The following CNTNAP2 variants were observed in gnomAD, a reference collection of about 807,000 sequenced individuals.
CNTNAP2 encodes contactin-associated protein-like 2.
A neutral mutation model predicts 155.2 loss-of-function variants in CNTNAP2; 98 were observed. The ratio of observed to expected loss-of-function variants is 0.63; its 90% CI spans 0.54 to 0.75. The LOEUF (loss-of-function observed/expected upper bound fraction) is 0.75. CNTNAP2 is among the 30% of genes least tolerant of loss of function. The pLI is 0.00. For synonymous variants in CNTNAP2, 651 were observed against 631.2 expected (o/e 1.03, Z -0.47); for missense variants, 1,727 against 1,688.1 (o/e 1.02, Z -0.40).
intron 3 of CNTNAP2, among the ~76,000 whole-genome samples, chr7:146,913,026 G>T (rs1045119199): frequency 1.3e-5 from 2 of 152,026 alleles, no homozygotes; most frequent in Admixed American, 1.3e-4. Context: ...CTCCTTTATT[G>T]GTTAATGGAG....
chr7:146,171,659 ATTTTC>A (rs10543006), intron 1 of CNTNAP2, among the ~76,000 whole-genome samples: 5,031 of 152,230 alleles, frequency 0.033, 278 homozygotes, highest in African/African-American at 0.12. Context: ...CAGTTTGGGA[ATTTTC>A]TTTGGCCAAA....
chr7:147,665,666 G>GT (rs1388297736), intron 13 of CNTNAP2, among the ~76,000 whole-genome samples: 1 of 152,032 alleles, frequency 6.6e-6, no homozygotes, highest in Non-Finnish European at 1.5e-5. Context: ...GTTTCCCTCT[G>GT]TCTGTCCATG....
At chr7:148,356,983 G>A (rs1450612242) in intron 21 of CNTNAP2, among the ~76,000 whole-genome samples, 1 of 151,952 alleles carries the variant, frequency 6.6e-6, no homozygotes, top group Non-Finnish European at 1.5e-5. Flanking sequence ...TGAAGCGTGA[G>A]GCCCTGCGTG....
intron 1 of CNTNAP2, among the ~76,000 whole-genome samples, chr7:146,752,965 G>A (rs1282324430): frequency 6.6e-6 from 1 of 152,174 alleles, no homozygotes; most frequent in Non-Finnish European, 1.5e-5. Flanking sequence ...AATGGAAAGT[G>A]AGTGAATCTC....
intron 13 of CNTNAP2, among the ~76,000 whole-genome samples, chr7:147,786,273 A>T (rs1339118028): frequency 1.3e-5 from 2 of 152,198 alleles, no homozygotes; most frequent in Admixed American, 6.5e-5. Context: ...AAATGCAATG[A>T]GATACAAAAT....
chr7:146,541,853 A>G (rs1298625254), intron 1 of CNTNAP2, among the ~76,000 whole-genome samples: 1 of 152,000 alleles, frequency 6.6e-6, no homozygotes, highest in Non-Finnish European at 1.5e-5. Flanking sequence ...CCTGCCTTGC[A>G]TGTACTGTTC....
At chr7:147,231,972 C>A (rs181909306) in intron 8 of CNTNAP2, among the ~76,000 whole-genome samples, 1 of 152,056 alleles carries the variant, frequency 6.6e-6, no homozygotes, top group Non-Finnish European at 1.5e-5. Context: ...TTTATTTGCG[C>A]TTTTGTTGCA....
chr7:147,820,572 C>G (rs1309598763), intron 13 of CNTNAP2, among the ~76,000 whole-genome samples: 5 of 151,976 alleles, frequency 3.3e-5, no homozygotes, highest in Admixed American at 1.3e-4. Context: ...TCTGTGTTAT[C>G]TAAAAAAGCT....
chr7:147,442,216 C>T (rs1258837086), intron 10 of CNTNAP2, among the ~76,000 whole-genome samples: 2 of 152,002 alleles, frequency 1.3e-5, no homozygotes, highest in Non-Finnish European at 2.9e-5. Context: ...GCACTCAAAC[C>T]ACAAGATACA....
intron 1 of CNTNAP2, among the ~76,000 whole-genome samples, chr7:146,721,042 C>CTATATATATAGTCTATATATAT (rs1333702746): frequency 5.2e-5 from 6 of 115,778 alleles, no homozygotes; most frequent in African/African-American, 1.8e-4. Flanking sequence ...TCTATATATT[C>CTATATATATAGTCTATATATAT]TATATATATA....
At chr7:147,444,259 G>A (rs181529120) in intron 10 of CNTNAP2, among the ~76,000 whole-genome samples, 1 of 152,120 alleles carries the variant, frequency 6.6e-6, no homozygotes, top group African/African-American at 2.4e-5. Context: ...TGTAACAACT[G>A]GCCAAAGCCC....
chr7:147,984,918 C>T (rs1175380554), intron 15 of CNTNAP2, among the ~76,000 whole-genome samples: 1 of 151,968 alleles, frequency 6.6e-6, no homozygotes, highest in African/African-American at 2.4e-5. Context: ...AGTTTGAGAC[C>T]AGCCTGGCCA....
chr7:147,637,318 G>A (rs552734821), intron 12 of CNTNAP2, among the ~76,000 whole-genome samples: 26 of 152,188 alleles, frequency 1.7e-4, no homozygotes, highest in African/African-American at 6.0e-4. Flanking sequence ...GGCAGGAGGC[G>A]TGTTCAAATT....
intron 15 of CNTNAP2, among the ~76,000 whole-genome samples, chr7:148,060,156 A>G (rs1803104221): frequency 6.6e-6 from 1 of 152,212 alleles, no homozygotes; most frequent in South Asian, 2.1e-4. Context: ...GGGAAAATTT[A>G]CTTATTTTGT....
chr7:147,007,673 A>G (rs1253216872), intron 3 of CNTNAP2, among the ~76,000 whole-genome samples: 2 of 151,868 alleles, frequency 1.3e-5, no homozygotes, highest in Admixed American at 1.3e-4. Context: ...TAGAATTACT[A>G]AGGTATCTAT....
intron 1 of CNTNAP2, among the ~76,000 whole-genome samples, chr7:146,668,441 T>TGG (rs35693921): frequency 0.26 from 36,147 of 139,094 alleles, 5,110 homozygotes; most frequent in South Asian, 0.37. Context: ...TGTGTGTGTG[T>TGG]GTGTGTGTGT....
intron 9 of CNTNAP2, among the ~76,000 whole-genome samples, chr7:147,302,715 C>T (rs1794966029): frequency 1.3e-5 from 2 of 152,224 alleles, no homozygotes; most frequent in Non-Finnish European, 1.5e-5. Context: ...CCAATTTGCA[C>T]ACATGCCTTT....
chr7:146,603,449 C>T lies in CNTNAP2; in HGVS notation c.98-170822C>T, dbSNP rs1249987774. The stretch of plus-strand genomic sequence containing the variant: ...GATACAAACAAATGGAAGAACATTC[C>T]ATGCTCATGGGTAGGAAGAATCAAT... On this transcript the variant is annotated intron_variant, in intron 1 of 23. Coordinates refer to ENST00000361727, the MANE Select transcript of CNTNAP2 (RefSeq NM_014141.6). 4.7e-5 allele frequency among the ~76,000 whole-genome samples: 7 copies of T among 150,430 alleles called. No homozygotes were observed. The East Asian group carries it at 9.9e-4, about 21-fold the overall frequency.
chr7:148,162,097 G>A (rs935552014), intron 17 of CNTNAP2, among the ~76,000 whole-genome samples: 4 of 151,818 alleles, frequency 2.6e-5, no homozygotes, highest in African/African-American at 7.3e-5. Context: ...TCTTGACTCC[G>A]GATTTAAAAA....
Sources: allele counts gnomAD v4.1 joint callset (sites outside exome capture counted in the v4.1 genomes callset), GRCh38; gene constraint gnomAD v4.1.1; transcripts MANE v1.5; gene names NCBI Gene and HGNC (gene_info 2026-07-23, HGNC 2026-07-21).